Variants in PIK3R4 observed in about 807,000 individuals in gnomAD.
PIK3R4 encodes phosphoinositide 3-kinase regulatory subunit 4.
PIK3R4 carries 46 observed loss-of-function variants against 136.5 expected under a neutral mutation model. The observed-to-expected ratio is 0.34, with a 90% CI of 0.27 to 0.43. The LOEUF is 0.43. Among genes scored for constraint, PIK3R4 ranks in the 20% least tolerant of loss-of-function variants. The pLI is 1.00. For missense variants in PIK3R4, 1,331 were observed against 1,649.5 expected (o/e 0.81, Z 3.35); for synonymous variants, 557 against 566.7 (o/e 0.98, Z 0.24).
At chr3:130,741,934 T>C (rs1252707326) in intron 2 of PIK3R4, among the ~76,000 whole-genome samples, 1 of 152,248 alleles carries the variant, frequency 6.6e-6, no homozygotes, top group Non-Finnish European at 1.5e-5. Flanking sequence ...CGATGGGTTC[T>C]TGGAAACTGC....
At chr3:130,706,469 CT>C (rs1224840135) in intron 11 of PIK3R4, among the ~76,000 whole-genome samples, 1 of 152,152 alleles carries the variant, frequency 6.6e-6, no homozygotes, top group Admixed American at 6.5e-5. Flanking sequence ...ATGAATATCA[CT>C]TTCACACCAT....
intron 13 of PIK3R4, among the ~76,000 whole-genome samples, chr3:130,700,023 G>GT (rs2066566842): frequency 6.6e-6 from 1 of 152,144 alleles, no homozygotes; most frequent in African/African-American, 2.4e-5. Flanking sequence ...TGCTAGTAGG[G>GT]TTTTTGTCTC....
chr3:130,710,012 T>C (rs938762282), intron 9 of PIK3R4, among the ~76,000 whole-genome samples: 1 of 152,130 alleles, frequency 6.6e-6, no homozygotes, highest in Non-Finnish European at 1.5e-5. Context: ...GTGAATTTTA[T>C]GGTAGTGAAT....
chr3:130,725,568 C>T (rs957062081), intron 6 of PIK3R4, among the ~76,000 whole-genome samples: 4 of 147,688 alleles, frequency 2.7e-5, no homozygotes, highest in Non-Finnish European at 6.0e-5. Flanking sequence ...TGGGAAGAGA[C>T]TTTACATACA....
rs149888965 is a variant in PIK3R4, at chr3:130,714,227, C to T, written c.2331+2169G>A. The stretch of plus-strand genomic sequence containing the variant: ...TAAAAGAAAACCCAAAGAAAAAGCT[C>T]TCCAGGAATTCAAGTCACATCAAAT... On this transcript the variant is annotated intron_variant, in intron 9 of 19. Transcript: ENST00000356763. Among the ~76,000 whole-genome samples the T allele has an allele frequency of 4.6e-5, 7 of 152,312 alleles. No homozygotes were observed. In the East Asian group the frequency reaches 1.4e-3, roughly 29 times the overall value.
At position 130,733,594 on chromosome 3, in the gene PIK3R4, G is replaced by A. The variant is rs759977638; in HGVS notation, c.1404C>T (p.Ala468=). 5.0e-6 allele frequency: 8 copies of A among 1,613,834 alleles called. No homozygotes were observed. The African/African-American group carries it at 9.3e-5, about 19-fold the overall frequency. ...IYPEYILPGI[A]HLAQDDATIV... ...TAGTAGCATCATCTTGGGCTAAGTG[G>A]GCTATGCCTGGCAGAATGTATTCCG... Residue 468 remains alanine, a synonymous_variant, in exon 4 of 20, where the codon GCC becomes GCT. Coordinates refer to ENST00000356763, the MANE Select transcript of PIK3R4 (RefSeq NM_014602.3).
chr3:130,715,119 G>T (rs1007105648), intron 9 of PIK3R4, among the ~76,000 whole-genome samples: 1 of 138,180 alleles, frequency 7.2e-6, no homozygotes, highest in Non-Finnish European at 1.6e-5. Context: ...ATTTTTTCCC[G>T]ACTTTTTTTT....
At chr3:130,713,627 G>A (rs2066644167) in intron 9 of PIK3R4, among the ~76,000 whole-genome samples, 1 of 152,194 alleles carries the variant, frequency 6.6e-6, no homozygotes, top group South Asian at 2.1e-4. Flanking sequence ...GTGGCCCCAT[G>A]AGGTAACTAA....
chr3:130,740,650 T>G (rs1239921080), intron 2 of PIK3R4, among the ~76,000 whole-genome samples: 1 of 151,978 alleles, frequency 6.6e-6, no homozygotes, highest in African/African-American at 2.4e-5. Context: ...AGCAGCATGA[T>G]ACCCAGGAGG....
intron 3 of PIK3R4, among the ~76,000 whole-genome samples, chr3:130,734,773 C>T (rs1395862659): frequency 6.6e-6 from 1 of 152,164 alleles, no homozygotes; most frequent in Non-Finnish European, 1.5e-5. Context: ...AAATATTTTT[C>T]AATGCACAGA....
intron 7 of PIK3R4, among the ~76,000 whole-genome samples, chr3:130,720,331 G>C (rs959633704): frequency 6.6e-6 from 1 of 152,126 alleles, no homozygotes; most frequent in Non-Finnish European, 1.5e-5. Context: ...GAGTAGCTAG[G>C]ATTACAGACA....
rs1287558740 is a variant in PIK3R4, at chr3:130,718,406, T to C, written c.2110A>G (p.Thr704Ala). Residue 704 changes from threonine (T) to alanine (A), a missense_variant, in exon 8 of 20, where the codon ACC becomes GCC. Physicochemically the swap from Thr to Ala is moderately conservative, Grantham distance 58 (BLOSUM62 0). Transcript: ENST00000356763. ...KLMPYLDPYITQPIIQIERKL... is the reference protein window; with the variant it reads ...KLMPYLDPYIAQPIIQIERKL... The stretch of plus-strand genomic sequence containing the variant: ...ATGTATACCTGTATTATTGGTTGGG[T>C]AATATATGGGTCAAGATAAGGCATC... The C allele has an allele frequency of 6.2e-7, 1 of 1,613,602 alleles. No individual in the cohort carries two copies. Among genetic ancestry groups the C allele is most frequent in the Admixed American group, 1.7e-5 (1 of 60,014 alleles).
chr3:130,717,278 A>T (rs557244694), intron 8 of PIK3R4, among the ~76,000 whole-genome samples: 46 of 152,120 alleles, frequency 3.0e-4, no homozygotes, highest in Non-Finnish European at 5.9e-4. Flanking sequence ...CTTTTGTCTA[A>T]TCCAAATTGT....
intron 13 of PIK3R4, among the ~76,000 whole-genome samples, chr3:130,694,385 T>C (rs946907847): frequency 2.0e-5 from 3 of 152,108 alleles, no homozygotes; most frequent in Non-Finnish European, 4.4e-5. Flanking sequence ...ATCTTAATGA[T>C]ATTAAGTATT....
At chr3:130,681,119 T>TGGG in intron 17 of PIK3R4, 54 bp from the exon 18 acceptor site, 1 of 979,532 alleles carries the variant, frequency 1.0e-6, no homozygotes, top group Non-Finnish European at 1.7e-6. Context: ...ATTCCATAAA[T>TGGG]GATAGTGCTA....
chr3:130,714,244 A>C (rs2066649214), intron 9 of PIK3R4, among the ~76,000 whole-genome samples: 1 of 152,246 alleles, frequency 6.6e-6, no homozygotes, highest in African/African-American at 2.4e-5. Context: ...AATTCAAGTC[A>C]CATCAAATTA....
intron 17 of PIK3R4, among the ~76,000 whole-genome samples, 161 bp from the exon 18 acceptor site, chr3:130,681,226 G>C (rs1230055011): frequency 6.6e-6 from 1 of 152,108 alleles, no homozygotes; most frequent in Non-Finnish European, 1.5e-5. Flanking sequence ...CTTCAATCTG[G>C]CCTTTTCCTA....
At chr3:130,730,223 T>C (rs1378219315) in intron 5 of PIK3R4, 85 bp downstream of exon 5, 6 of 1,141,698 alleles carry the variant, frequency 5.3e-6, no homozygotes, top group Non-Finnish European at 7.6e-6. Flanking sequence ...TCACCTTACA[T>C]GAAAACTACA....
chr3:130,730,056 A>T (rs2066753525), intron 5 of PIK3R4, among the ~76,000 whole-genome samples: 1 of 152,206 alleles, frequency 6.6e-6, no homozygotes, highest in Non-Finnish European at 1.5e-5. Context: ...AGCCAGCTTT[A>T]CTGTTCACAC....
Sources: gnomAD v4.1 joint callset for allele counts (sites outside exome capture counted in the v4.1 genomes callset) on GRCh38, gnomAD v4.1.1 for gene constraint, MANE v1.5 for transcripts, NCBI Gene and HGNC (gene_info 2026-07-23, HGNC 2026-07-21) for gene names.